The following MYO3B variants were observed in gnomAD, a reference collection of about 807,000 sequenced individuals.
MYO3B encodes myosin-IIIb.
A neutral mutation model predicts 174.6 loss-of-function variants in MYO3B; 156 were observed. The observed-to-expected ratio is 0.89, with a 90% CI of 0.78 to 1.02. MYO3B has a LOEUF of 1.02. Ranked by LOEUF, MYO3B falls within the 50% of genes least tolerant of loss-of-function variation. MYO3B has a pLI of 0.00. For missense variants in MYO3B, 1,632 were observed against 1,639.4 expected, an observed-to-expected ratio of 1.00 and a Z score of 0.08; for synonymous variants, 563 against 569.1, an observed-to-expected ratio of 0.99 and a Z score of 0.15.
chr2:170,584,149 T>G (rs1693347987), intron 32 of MYO3B, among the ~76,000 whole-genome samples: 1 of 152,204 alleles, frequency 6.6e-6, no homozygotes, highest in South Asian at 2.1e-4. Flanking sequence ...TGAATCTGAA[T>G]TTTTTATTTG....
chr2:170,443,072 C>T (rs910781373), intron 22 of MYO3B, among the ~76,000 whole-genome samples: 51 of 152,300 alleles, frequency 3.3e-4, no homozygotes, highest in Admixed American at 2.4e-3. Flanking sequence ...CCTGAGGAAT[C>T]GCCACACTGT....
chr2:170,415,084 T>C (rs1202027577), intron 22 of MYO3B, among the ~76,000 whole-genome samples: 1 of 152,242 alleles, frequency 6.6e-6, no homozygotes, highest in Non-Finnish European at 1.5e-5. Flanking sequence ...TCTTGCCTTA[T>C]TATACTGGCT....
At chr2:170,373,069 C>T (rs780255770) in intron 9 of MYO3B, among the ~76,000 whole-genome samples, 5 of 152,096 alleles carry the variant, frequency 3.3e-5, no homozygotes, top group Non-Finnish European at 7.4e-5. Flanking sequence ...GTTCTGATTG[C>T]AGTATGGAGA....
intron 32 of MYO3B, among the ~76,000 whole-genome samples, chr2:170,650,221 T>C (rs930827236): frequency 2.6e-5 from 4 of 151,584 alleles, no homozygotes; most frequent in Non-Finnish European, 4.4e-5. Context: ...TTAGTAGAGA[T>C]GGGGTTTCAC....
chr2:170,538,016 T>C (rs1163978700), intron 30 of MYO3B, among the ~76,000 whole-genome samples: 2 of 152,170 alleles, frequency 1.3e-5, no homozygotes, highest in African/African-American at 2.4e-5. Context: ...TAAAAGATAA[T>C]CTTGAAAACT....
At chr2:170,499,523 G>C (rs1687087249) in intron 26 of MYO3B, 123 bp from the exon 27 acceptor site, 2 of 907,950 alleles carry the variant, frequency 2.2e-6, no homozygotes, top group East Asian at 5.4e-5. Context: ...GTGAGCATAA[G>C]TCACATCGCT....
chr2:170,540,684 GCAACAA>G (rs139653410), intron 30 of MYO3B, among the ~76,000 whole-genome samples: 5 of 149,094 alleles, frequency 3.4e-5, no homozygotes, highest in African/African-American at 1.2e-4. Context: ...CAAAAAAACA[GCAACAA>G]CAACAACAAC....
intron 1 of MYO3B, among the ~76,000 whole-genome samples, chr2:170,187,637 A>G (rs1369775192): frequency 6.6e-6 from 1 of 152,098 alleles, no homozygotes; most frequent in African/African-American, 2.4e-5. Context: ...CACTGCTTTC[A>G]CTGTATCGTG....
intron 32 of MYO3B, among the ~76,000 whole-genome samples, chr2:170,622,269 T>G (rs1022357854): frequency 6.6e-6 from 1 of 152,216 alleles, no homozygotes; most frequent in East Asian, 1.9e-4. Flanking sequence ...GTTTTGAAGC[T>G]AGAAATTGTG....
At chr2:170,515,498 C>T (rs187678352) in intron 29 of MYO3B, among the ~76,000 whole-genome samples, 32 of 152,228 alleles carry the variant, frequency 2.1e-4, no homozygotes, top group Admixed American at 4.6e-4. Flanking sequence ...GAAGTGGAAA[C>T]GTGGGTTTCT....
intron 28 of MYO3B, among the ~76,000 whole-genome samples, chr2:170,502,818 T>G (rs1419358079): frequency 2.4e-4 from 36 of 152,170 alleles, no homozygotes; most frequent in Admixed American, 2.4e-3. Context: ...AGCTGCAACC[T>G]CTTGAAAGAA....
chr2:170,368,166 T>C (rs984841605), intron 8 of MYO3B, among the ~76,000 whole-genome samples: 1 of 152,224 alleles, frequency 6.6e-6, no homozygotes, highest in African/African-American at 2.4e-5. Flanking sequence ...CTGAAGTTTT[T>C]TAACATTTGT....
chr2:170,497,399 G>A (rs1437893885), intron 25 of MYO3B, among the ~76,000 whole-genome samples: 1 of 151,970 alleles, frequency 6.6e-6, no homozygotes, highest in African/African-American at 2.4e-5. Context: ...GGTGGATCAC[G>A]AGGTCAGGAG....
intron 7 of MYO3B, among the ~76,000 whole-genome samples, chr2:170,276,153 T>C (rs949149752): frequency 6.6e-6 from 1 of 152,192 alleles, no homozygotes. Flanking sequence ...GGTATCAATT[T>C]CCCACCTATA....
chr2:170,438,202 A>G (rs2094770244), intron 22 of MYO3B, among the ~76,000 whole-genome samples: 1 of 151,978 alleles, frequency 6.6e-6, no homozygotes, highest in African/African-American at 2.4e-5. Context: ...TGACTGGCTT[A>G]TTTCACTTAG....
chr2:170,402,812 C>G (rs758899645), intron 18 of MYO3B, 36 bp from the exon 19 acceptor site: 4 of 1,552,944 alleles, frequency 2.6e-6, no homozygotes, highest in Non-Finnish European at 3.5e-6. Context: ...TGGGTGTTTC[C>G]TCCCCTAAAG....
intron 32 of MYO3B, among the ~76,000 whole-genome samples, chr2:170,628,453 T>G (rs1370741716): frequency 6.6e-6 from 1 of 152,224 alleles, no homozygotes; most frequent in African/African-American, 2.4e-5. Context: ...GTCACAGCTT[T>G]GCTTGGCTGT....
chr2:170,217,197 C>CA, intron 5 of MYO3B, 122 bp from the exon 6 acceptor site: 1 of 799,264 alleles, frequency 1.3e-6, no homozygotes, highest in South Asian at 1.5e-5. Flanking sequence ...GTAGTTGTGA[C>CA]AGAGACCATA....
intron 32 of MYO3B, among the ~76,000 whole-genome samples, chr2:170,621,136 G>A (rs554903353): frequency 1.5e-3 from 233 of 152,082 alleles, no homozygotes; most frequent in African/African-American, 5.2e-3. Context: ...CAATCCACCC[G>A]CCTCGGCCTC....
Sources: allele counts gnomAD v4.1 joint callset (sites outside exome capture counted in the v4.1 genomes callset), GRCh38; gene constraint gnomAD v4.1.1; transcripts MANE v1.5; gene names NCBI Gene and HGNC (gene_info 2026-07-23, HGNC 2026-07-21).